SAMD12: variants seen among roughly 807,000 people sequenced by gnomAD.
The protein encoded by SAMD12 is sterile alpha motif domain-containing protein 12.
Under a neutral mutation model 15.0 loss-of-function variants are expected in SAMD12, and 9 were observed. The ratio of observed to expected loss-of-function variants is 0.60; its 90% CI spans 0.36 to 1.05. The LOEUF (loss-of-function observed/expected upper bound fraction) is 1.05. Ranked by LOEUF, SAMD12 falls within the 50% of genes least tolerant of loss-of-function variation. The probability of loss-of-function intolerance (pLI) is 0.01; values close to 1 mark genes in which losing one functional copy is unlikely to be tolerated. For missense variants in SAMD12, 230 were observed against 234.2 expected, an observed-to-expected ratio of 0.98 and a Z score of 0.12; for synonymous variants, 86 against 90.1, an observed-to-expected ratio of 0.96 and a Z score of 0.25.
the SAMD12 span, among the ~76,000 whole-genome samples, chr8:118,167,609 A>C: frequency 2.6e-5 from 4 of 152,240 alleles, no homozygotes; most frequent in African/African-American, 9.6e-5. Context: ...CAGATATCTT[A>C]GTAAACCTTA....
At chr8:118,560,063 A>G (rs769395790) in intron 2 of SAMD12, among the ~76,000 whole-genome samples, 6 of 152,236 alleles carry the variant, frequency 3.9e-5, no homozygotes, top group Admixed American at 6.5e-5. Context: ...AGGGAACTTA[A>G]GCTTTAAGAC....
At chr8:118,310,335 C>T (rs1048685136) in intron 4 of SAMD12, among the ~76,000 whole-genome samples, 4 of 152,146 alleles carry the variant, frequency 2.6e-5, no homozygotes, top group Admixed American at 2.6e-4. Flanking sequence ...TCCAGTCTGT[C>T]TCTAGTGTGC....
intron 2 of SAMD12, among the ~76,000 whole-genome samples, chr8:118,536,782 C>CTA (rs1255600789): frequency 6.6e-6 from 1 of 152,176 alleles, no homozygotes; most frequent in Non-Finnish European, 1.5e-5. Context: ...TTCAGTCTTT[C>CTA]TACTCAAGAT....
At chr8:118,487,999 T>C (rs1465265685) in intron 2 of SAMD12, among the ~76,000 whole-genome samples, 1 of 152,138 alleles carries the variant, frequency 6.6e-6, no homozygotes, top group Non-Finnish European at 1.5e-5. Flanking sequence ...AACATACAGC[T>C]AGTGAATCTA....
chr8:118,612,142 A>G (rs1373016286), intron 1 of SAMD12, among the ~76,000 whole-genome samples: 1 of 152,178 alleles, frequency 6.6e-6, no homozygotes, highest in African/African-American at 2.4e-5. Flanking sequence ...GGCAAGACCA[A>G]TTCCTTTCAG....
chr8:118,202,760 C>T (rs887827603), intron 4 of SAMD12, among the ~76,000 whole-genome samples: 3 of 152,106 alleles, frequency 2.0e-5, no homozygotes, highest in African/African-American at 7.2e-5. Context: ...AAGTGTCTTT[C>T]GTGTAATGAG....
chr8:118,375,381 ACT>A (rs1819332857), downstream of SAMD12, among the ~76,000 whole-genome samples: 1 of 152,050 alleles, frequency 6.6e-6, no homozygotes, highest in South Asian at 2.1e-4. Flanking sequence ...TGGTTGCACC[ACT>A]CTCTTTACAC....
chr8:118,170,162 C>T, the SAMD12 span, among the ~76,000 whole-genome samples: 1 of 152,158 alleles, frequency 6.6e-6, no homozygotes, highest in Non-Finnish European at 1.5e-5. Context: ...TACTTAATCT[C>T]TCTAAGCCTC....
rs570938205 is a variant in SAMD12, at chr8:118,316,309, C to T, written c.433+63251G>A. Among the ~76,000 whole-genome samples the T allele has an allele frequency of 2.8e-4, 41 of 144,276 alleles. No individual in the cohort carries two copies. The South Asian group carries it at 5.2e-3, about 18-fold the overall frequency. 94.7% of individuals were successfully genotyped at this position (144,276 alleles called of 152,430 possible). A position where few individuals can be genotyped will look rare whatever the true frequency, so the allele number is the denominator to read the frequency against. On this transcript the variant is annotated intron_variant, in intron 4 of 4. Transcript: ENST00000409003. ...CAGCACTTTGGGAGGCTGAGGCAGG[C>T]GGATCACAAGGTCAGGAGATCAAGA...
chr8:118,230,842 C>G (rs1391126029), intron 4 of SAMD12, among the ~76,000 whole-genome samples: 1 of 152,044 alleles, frequency 6.6e-6, no homozygotes, highest in African/African-American at 2.4e-5. Flanking sequence ...ATCAGAGGGG[C>G]AGGAAGGAAC....
At chr8:118,292,892 G>C (rs1814486133) in intron 4 of SAMD12, among the ~76,000 whole-genome samples, 1 of 133,308 alleles carries the variant, frequency 7.5e-6, no homozygotes, top group Non-Finnish European at 1.6e-5. Flanking sequence ...CACACTCTGG[G>C]GACTGTGGTG....
At chr8:118,323,960 T>C (rs956596834) in intron 4 of SAMD12, among the ~76,000 whole-genome samples, 3 of 152,108 alleles carry the variant, frequency 2.0e-5, no homozygotes, top group Non-Finnish European at 4.4e-5. Flanking sequence ...AAGATTATTG[T>C]TTTCTTTTTA....
intron 2 of SAMD12, among the ~76,000 whole-genome samples, chr8:118,552,393 A>C (rs960978539): frequency 3.0e-4 from 46 of 152,204 alleles, no homozygotes; most frequent in Non-Finnish European, 6.3e-4. Context: ...CAATAAATGT[A>C]ATCCAGCATA....
At chr8:118,165,637 C>T in the SAMD12 span, among the ~76,000 whole-genome samples, 2,592 of 101,816 alleles carry the variant, frequency 0.025, 93 homozygotes, top group African/African-American at 0.097. Context: ...TATATATATA[C>T]ATATATATAT....
intron 2 of SAMD12, among the ~76,000 whole-genome samples, chr8:118,550,993 T>C (rs1478419842): frequency 1.3e-5 from 2 of 151,766 alleles, no homozygotes; most frequent in South Asian, 2.1e-4. Context: ...CCTAAATATA[T>C]ATGCACCCAA....
At chr8:118,600,738 C>T (rs1011296776) in intron 1 of SAMD12, among the ~76,000 whole-genome samples, 1 of 152,032 alleles carries the variant, frequency 6.6e-6, no homozygotes, top group East Asian at 1.9e-4. Context: ...ATCTCAAGAG[C>T]CTTGAAGTCT....
chr8:118,181,798 C>T, the SAMD12 span, among the ~76,000 whole-genome samples: 110 of 152,294 alleles, frequency 7.2e-4, no homozygotes, highest in African/African-American at 2.6e-3. Context: ...GACCAATGCC[C>T]CTGCCTGGGA....
At chr8:118,463,100 CAAAAAAAAAAA>C (rs71292167) in intron 2 of SAMD12, among the ~76,000 whole-genome samples, 1 of 63,088 alleles carries the variant, frequency 1.6e-5, no homozygotes, top group Non-Finnish European at 2.9e-5. Flanking sequence ...AACTCCGTCT[CAAAAAAAAAAA>C]AAAAAAAAAA....
Position 118,379,714 on chromosome 8 carries a change from A to G in SAMD12, c.323-14T>C, listed in dbSNP as rs750440248. Reference sequence around the variant, plus strand: ...GCAGGGCTCGCCCTGCAGGGTTTTAAGAAATAAAAGGAAAAGCAAATGAAC... The same window carrying G: ...GCAGGGCTCGCCCTGCAGGGTTTTAGGAAATAAAAGGAAAAGCAAATGAAC... On this transcript the variant is annotated splice_polypyrimidine_tract_variant and intron_variant, in intron 3 of 3. Coordinates refer to ENST00000314727, the MANE Select transcript of SAMD12 (RefSeq NM_207506.3). 1 of 1,606,132 alleles carries G rather than the reference A, an allele frequency of 6.2e-7. No individual in the cohort carries two copies. Among genetic ancestry groups the G allele is most frequent in the East Asian group, 2.2e-5 (1 of 44,760 alleles).
Sources: allele counts gnomAD v4.1 joint callset (sites outside exome capture counted in the v4.1 genomes callset), GRCh38; gene constraint gnomAD v4.1.1; transcripts MANE v1.5; gene names NCBI Gene and HGNC (gene_info 2026-07-23, HGNC 2026-07-21).